NEBL: variants seen among roughly 807,000 people sequenced by gnomAD.
The protein encoded by NEBL is nebulette.
Under a neutral mutation model 140.2 loss-of-function variants are expected in NEBL, and 122 were observed. That is an observed-to-expected ratio of 0.87 (90% CI 0.75 to 1.01). The LOEUF is 1.01. Among genes scored for constraint, NEBL ranks in the 50% least tolerant of loss-of-function variants. The pLI, the probability that NEBL is intolerant of heterozygous loss-of-function variation, is 0.00. For synonymous variants in NEBL, 436 were observed against 398.9 expected (o/e 1.09, Z -1.11); for missense variants, 1,365 against 1,231.3 (o/e 1.11, Z -1.62).
intron 26 of NEBL, among the ~76,000 whole-genome samples, chr10:20,788,671 T>C (rs10828132): frequency 0.44 from 66,183 of 152,110 alleles, 14,540 homozygotes; most frequent in Middle Eastern, 0.55. Flanking sequence ...ACTTGAATTA[T>C]AGTATATTGC....
chr10:20,927,433 T>C (rs1030379232), intron 4 of NEBL, among the ~76,000 whole-genome samples: 19 of 152,100 alleles, frequency 1.2e-4, no homozygotes, highest in African/African-American at 4.6e-4. Context: ...CAAATGGTGA[T>C]CATCACTGAT....
In NEBL at chr10:20,813,740, TCA is replaced by T. The variant is rs1000198915; in HGVS notation, c.2346+197_2346+198del. The T allele has an allele frequency of 8.7e-6, 5 of 573,532 alleles. No homozygotes were observed. In the African/African-American group the frequency reaches 9.4e-5, roughly 11 times the overall value. 35.5% of individuals were successfully genotyped at this position (573,532 alleles called of 1,614,324 possible). On this transcript the variant is annotated intron_variant, in intron 23 of 27. Transcript: ENST00000377122. ...AGAAATAAAGACACACCAGAAAAAG[TCA>T]CTGAGAAAAATCATTTTATTAGACT...
chr10:21,221,268 T>C (rs1320069877), intron 3 of NEBL, among the ~76,000 whole-genome samples: 1 of 152,162 alleles, frequency 6.6e-6, no homozygotes, highest in Admixed American at 6.5e-5. Flanking sequence ...TGTAAATATA[T>C]ACAACTTTTA....
In NEBL at chr10:20,785,701, G is replaced by A; in HGVS notation, c.*46C>T. On this transcript the variant is annotated 3_prime_UTR_variant, in exon 28 of 28. Coordinates refer to ENST00000377122, the MANE Select transcript of NEBL (RefSeq NM_006393.3). ...TATCTTCTATCTTTTAAAAAGATTA[G>A]GTTTGGGATACATTAGAATAAAGCT... 1 of 1,587,104 alleles carries A rather than the reference G, an allele frequency of 6.3e-7. No homozygotes were observed. The highest frequency in any genetic ancestry group is 8.6e-7 in the Non-Finnish European group (1 of 1,161,438).
At chr10:21,025,266 G>A (rs1046495699) in intron 2 of NEBL, among the ~76,000 whole-genome samples, 5 of 152,284 alleles carry the variant, frequency 3.3e-5, no homozygotes, top group African/African-American at 7.2e-5. Context: ...AGAGATGTGG[G>A]GAATATGCTG....
chr10:21,177,227 T>C (rs187852885), upstream of NEBL, among the ~76,000 whole-genome samples: 44 of 152,368 alleles, frequency 2.9e-4, no homozygotes, highest in Non-Finnish European at 4.4e-4. Flanking sequence ...TCTCCCACCT[T>C]TTGGGCTTTG....
intron 2 of NEBL, among the ~76,000 whole-genome samples, chr10:21,131,834 G>T (rs1031623010): frequency 5.3e-5 from 8 of 152,162 alleles, no homozygotes; most frequent in African/African-American, 1.4e-4. Flanking sequence ...GGGTCCCAGT[G>T]CCCTTGGGTG....
At chr10:21,058,936 T>C (rs767677782) in intron 2 of NEBL, among the ~76,000 whole-genome samples, 3 of 152,250 alleles carry the variant, frequency 2.0e-5, no homozygotes, top group African/African-American at 7.2e-5. Context: ...TCAAAGGTTC[T>C]AAGCCTTGAT....
intron 12 of NEBL, among the ~76,000 whole-genome samples, chr10:20,842,650 C>T (rs766932481): frequency 9.9e-5 from 15 of 151,798 alleles, no homozygotes; most frequent in Admixed American, 2.6e-4. Context: ...TACAGAATTG[C>T]CATAATTTAT....
rs939407254 is a variant in NEBL, at chr10:21,100,436, T to C, written c.164+71947A>G. On this transcript the variant is annotated intron_variant, in intron 2 of 6. Coordinates refer to the NEBL transcript ENST00000417816. Reference sequence around the variant, plus strand: ...GCCGCAGTTGTTAGAGCTGGAAGAATCGATGTTGCTAAGCAACACTTTTGC... The same window carrying C: ...GCCGCAGTTGTTAGAGCTGGAAGAACCGATGTTGCTAAGCAACACTTTTGC... 3.9e-5 allele frequency among the ~76,000 whole-genome samples: 6 copies of C among 152,312 alleles called. 1 individual carries two copies. Among genetic ancestry groups the C allele is most frequent in the African/African-American group, 1.4e-4 (6 of 41,580 alleles).
chr10:20,847,577 T>A (rs1302316022), intron 11 of NEBL, among the ~76,000 whole-genome samples: 1 of 151,956 alleles, frequency 6.6e-6, no homozygotes, highest in Admixed American at 6.6e-5. Context: ...TGATAAAAGG[T>A]TGCTCAGCAT....
At chr10:21,193,751 T>C (rs1171933363) in intron 3 of NEBL, among the ~76,000 whole-genome samples, 1 of 152,224 alleles carries the variant, frequency 6.6e-6, no homozygotes, top group Non-Finnish European at 1.5e-5. Flanking sequence ...TGATTCTTTA[T>C]ACAGTCTTGT....
chr10:20,919,177 T>A (rs1348734978), intron 4 of NEBL, among the ~76,000 whole-genome samples: 1 of 152,210 alleles, frequency 6.6e-6, no homozygotes, highest in Non-Finnish European at 1.5e-5. Flanking sequence ...GAGCTATAGT[T>A]AAGTCTTTGC....
intron 26 of NEBL, among the ~76,000 whole-genome samples, chr10:20,794,156 C>T (rs1310802216): frequency 6.6e-6 from 1 of 152,130 alleles, no homozygotes; most frequent in African/African-American, 2.4e-5. Flanking sequence ...TGCCACGAGG[C>T]GAGGGGAAGC....
At chr10:20,937,151 T>G (rs1834534401) in intron 4 of NEBL, among the ~76,000 whole-genome samples, 1 of 152,182 alleles carries the variant, frequency 6.6e-6, no homozygotes, top group African/African-American at 2.4e-5. Context: ...CAAACCATGC[T>G]AAACTGGTTT....
intron 2 of NEBL, chr10:21,029,506 G>A (rs1464277341): frequency 6.2e-7 from 1 of 1,610,440 alleles, no homozygotes; most frequent in Non-Finnish European, 8.5e-7. Context: ...TCGAGTGGAC[G>A]TTGCTGATCA....
intron 3 of NEBL, among the ~76,000 whole-genome samples, chr10:21,221,358 G>A (rs749607561): frequency 9.2e-5 from 14 of 152,088 alleles, no homozygotes; most frequent in Non-Finnish European, 1.8e-4. Flanking sequence ...ACAAATGTGC[G>A]AGGCTACTCT....
chr10:20,795,560 A>ATG (rs113613364), intron 26 of NEBL, among the ~76,000 whole-genome samples: 44,593 of 150,954 alleles, frequency 0.3, 6,681 homozygotes, highest in East Asian at 0.42. Flanking sequence ...TGCGTGTGCA[A>ATG]TGTGTGTGTG....
At chr10:20,911,016 T>C (rs568235690) in intron 4 of NEBL, among the ~76,000 whole-genome samples, 32 of 151,794 alleles carry the variant, frequency 2.1e-4, no homozygotes, top group African/African-American at 7.7e-4. Flanking sequence ...ATAGAAAAAC[T>C]AACTGGCTGT....
Sources: allele counts gnomAD v4.1 joint callset (sites outside exome capture counted in the v4.1 genomes callset), GRCh38; gene constraint gnomAD v4.1.1; transcripts MANE v1.5; gene names NCBI Gene and HGNC (gene_info 2026-07-23, HGNC 2026-07-21).